DCAF5: variants seen among roughly 807,000 people sequenced by gnomAD.
The protein encoded by DCAF5 is DDB1- and CUL4-associated factor 5.
A neutral mutation model predicts 80.7 loss-of-function variants in DCAF5; 9 were observed. That is an observed-to-expected ratio of 0.11 (90% confidence interval 0.07 to 0.19). DCAF5 has a LOEUF of 0.19. Among genes scored for constraint, DCAF5 ranks in the 10% least tolerant of loss-of-function variants. DCAF5 has a pLI of 1.00. For missense variants in DCAF5, 842 were observed against 1,205.7 expected (o/e 0.70, Z 4.47); for synonymous variants, 433 against 461.9 (o/e 0.94, Z 0.80).
At chr14:69,112,103 T>A (rs936087908) in intron 5 of DCAF5, among the ~76,000 whole-genome samples, 1 of 152,220 alleles carries the variant, frequency 6.6e-6, no homozygotes, top group African/African-American at 2.4e-5. Flanking sequence ...TACTTTGTAA[T>A]TTTTCAAACT....
intron 1 of DCAF5, among the ~76,000 whole-genome samples, chr14:69,141,189 A>C (rs899404916): frequency 4.7e-5 from 7 of 149,584 alleles, no homozygotes; most frequent in African/African-American, 1.5e-4. Context: ...AAAGACCTGA[A>C]GTAAGGAGAA....
intron 8 of DCAF5, among the ~76,000 whole-genome samples, chr14:69,059,465 T>C (rs572698835): frequency 6.6e-6 from 1 of 152,294 alleles, no homozygotes; most frequent in African/African-American, 2.4e-5. Context: ...GTGACATTTA[T>C]TAAAATAGGA....
intron 5 of DCAF5, among the ~76,000 whole-genome samples, chr14:69,103,105 T>G (rs938294511): frequency 1.3e-5 from 2 of 152,212 alleles, no homozygotes; most frequent in Non-Finnish European, 2.9e-5. Context: ...AACATCATTA[T>G]GCAGAACACA....
chr14:69,098,287 A>C (rs1197583293), intron 5 of DCAF5, among the ~76,000 whole-genome samples: 1 of 152,166 alleles, frequency 6.6e-6, no homozygotes, highest in African/African-American at 2.4e-5. Flanking sequence ...TAGTTCATTC[A>C]TTCAGTCTTT....
chr14:69,122,156 C>T, intron 2 of DCAF5, 61 bp downstream of exon 2: 1 of 1,570,674 alleles, frequency 6.4e-7, no homozygotes, highest in South Asian at 1.1e-5. Context: ...GTTATTTTCG[C>T]ACTCTTTTCT....
intron 1 of DCAF5, among the ~76,000 whole-genome samples, chr14:69,148,105 A>C (rs1310628025): frequency 1.3e-5 from 1 of 79,094 alleles, no homozygotes; most frequent in South Asian, 8.1e-4. Context: ...TTCTTCGCAA[A>C]AAAAAAAAAA....
chr14:69,131,561 G>C (rs1250122704), intron 1 of DCAF5, among the ~76,000 whole-genome samples: 4 of 152,140 alleles, frequency 2.6e-5, no homozygotes, highest in Non-Finnish European at 5.9e-5. Context: ...TCACTTGTGA[G>C]GTAAGGATTA....
Position 69,054,365 on chromosome 14 carries a change from G to C in DCAF5, c.2321C>G (p.Pro774Arg). Residue 774 changes from proline (P) to arginine (R), a missense_variant, in exon 9 of 9, where the codon CCT (proline) becomes CGT (arginine). This residue lies in a region of DCAF5 where 607 missense variants were observed against 656.6 expected (regional missense o/e 0.92). Coordinates refer to ENST00000341516, the MANE Select transcript of DCAF5 (RefSeq NM_003861.3). ...TCCATTGAGCTTCTTGGTTTCAAAA[G>C]GGTGCTCTACAGAGCCGCTATTGCC... Reference protein sequence around the residue: ...DTGNSGSVEHPFETKKLNGKA... With the variant: ...DTGNSGSVEHRFETKKLNGKA... The C allele has an allele frequency of 1.2e-6, 2 of 1,614,138 alleles. No individual in the cohort carries two copies. The highest frequency in any genetic ancestry group is 1.7e-6 in the Non-Finnish European group (2 of 1,180,040).
rs1230706377 is a variant in DCAF5 at position 69,054,038 on chromosome 14, C to T, written c.2648G>A (p.Cys883Tyr). ...CTCACAGGCCATTTCAGACCCGCAA[C>T]AATCTTTGTGTAGGAGTGTCCCTGT... ...SLTGTLLHKD[C>Y]CGSEMACETP... Residue 883 changes from cysteine to tyrosine, a missense_variant, in exon 9 of 9, where the codon TGT (cysteine) becomes TAT (tyrosine). Physicochemically the swap from Cys to Tyr is radical, Grantham distance 194. Around this residue, in one of 5 missense-constraint regions of DCAF5, gnomAD observed 607 missense variants for 656.6 expected, o/e 0.92. Coordinates refer to ENST00000341516, the MANE Select transcript of DCAF5 (RefSeq NM_003861.3). 6.2e-7 allele frequency: 1 copy of T among 1,613,076 alleles called. No individual in the cohort carries two copies. Among genetic ancestry groups the T allele is most frequent in the South Asian group, 1.1e-5 (1 of 91,042 alleles).
intron 1 of DCAF5, among the ~76,000 whole-genome samples, chr14:69,144,977 G>C (rs1045214675): frequency 6.6e-6 from 1 of 152,138 alleles, no homozygotes. Flanking sequence ...AGATATAAAA[G>C]GGTTACTTAA....
At chr14:69,144,087 CAATT>C (rs2041458612) in intron 1 of DCAF5, 1 of 152,116 alleles carries the variant, frequency 6.6e-6, no homozygotes, top group African/African-American at 2.4e-5. Context: ...TCACTTATGA[CAATT>C]AATGCAAAAC....
chr14:69,087,537 A>T (rs1279715856), intron 6 of DCAF5, among the ~76,000 whole-genome samples: 2 of 152,214 alleles, frequency 1.3e-5, no homozygotes, highest in African/African-American at 4.8e-5. Flanking sequence ...AGCCAACCTG[A>T]TGTCACTTTT....
intron 1 of DCAF5, among the ~76,000 whole-genome samples, chr14:69,133,679 T>C (rs930736093): frequency 1.3e-5 from 2 of 152,194 alleles, no homozygotes; most frequent in Non-Finnish European, 2.9e-5. Flanking sequence ...TGTTTTTACC[T>C]AGTACCCTTC....
Position 69,152,643 on chromosome 14 carries a change from G to T in DCAF5, c.214+122C>A. 1.4e-6 allele frequency: 1 copy of T among 694,002 alleles called. No individual in the cohort carries two copies. Among genetic ancestry groups the T allele is most frequent in the Non-Finnish European group, 2.4e-6 (1 of 419,024 alleles). 43.0% of individuals were successfully genotyped at this position (694,002 alleles called of 1,614,324 possible). ...TTTGACACCAAACCTTCCCACCGCA[G>T]AAGGGGGTAGAGAAAGGGAGGGGGT... is the stretch of plus-strand genomic sequence containing the variant. On this transcript the variant is annotated intron_variant, in intron 1 of 8. Transcript: ENST00000341516. The surrounding 1 kb of genome is among the most constrained non-coding windows in gnomAD (Gnocchi z 4.1).
chr14:69,099,251 A>AC (rs2039860295), intron 5 of DCAF5, among the ~76,000 whole-genome samples: 1 of 124,266 alleles, frequency 8.0e-6, no homozygotes, highest in Non-Finnish European at 1.7e-5. Context: ...ACTCTGTCTC[A>AC]ACACACACAC....
intron 4 of DCAF5, 86 bp from the exon 5 acceptor site, chr14:69,116,581 G>GGAGCACTCTTTAAT: frequency 6.6e-7 from 1 of 1,515,962 alleles, no homozygotes. Context: ...AATACAGGTC[G>GGAGCACTCTTTAAT]GAGCACTCTT....
At chr14:69,102,591 G>GACACACACACACACACACACAC (rs143602483) in intron 5 of DCAF5, among the ~76,000 whole-genome samples, 4,595 of 124,758 alleles carry the variant, frequency 0.037, 216 homozygotes, top group East Asian at 0.15. Flanking sequence ...TAAAAACAAA[G>GACACACACACACACACACACAC]ACACACACAC....
chr14:69,146,201 A>C (rs1259050647), intron 1 of DCAF5, among the ~76,000 whole-genome samples: 1 of 152,240 alleles, frequency 6.6e-6, no homozygotes, highest in Non-Finnish European at 1.5e-5. Context: ...ACATTGGCAT[A>C]AATCAAATTA....
chr14:69,084,747 G>GAAAGCA, intron 6 of DCAF5: 1 of 1,212,136 alleles, frequency 8.2e-7, no homozygotes, highest in South Asian at 1.3e-5. Flanking sequence ...GCCATTCATG[G>GAAAGCA]AAAGCAAAAG....
Sources: allele counts gnomAD v4.1 joint callset (sites outside exome capture counted in the v4.1 genomes callset), GRCh38; gene constraint gnomAD v4.1.1; regional missense constraint gnomAD v4.1.1; non-coding constraint Gnocchi (gnomAD v3.1); transcripts MANE v1.5; gene names NCBI Gene and HGNC (gene_info 2026-07-23, HGNC 2026-07-21).